Variants in PSG7 observed in about 807,000 individuals in gnomAD.
PSG7 encodes pregnancy-specific beta-1-glycoprotein 7.
A neutral mutation model predicts 45.6 loss-of-function variants in PSG7; 57 were observed. The observed-to-expected ratio is 1.25, with a 90% CI of 1.01 to 1.56. The LOEUF (loss-of-function observed/expected upper bound fraction) is 1.56. Among genes scored for constraint, PSG7 ranks in the 40% most tolerant of loss-of-function variants. The probability of loss-of-function intolerance (pLI) is 0.00; values close to 1 mark genes in which losing one functional copy is unlikely to be tolerated. For synonymous variants in PSG7, 298 were observed against 194.4 expected, an observed-to-expected ratio of 1.53 and a Z score of -4.43; for missense variants, 796 against 508.4, an observed-to-expected ratio of 1.57 and a Z score of -5.44.
chr19:42,936,829 A>C lies in PSG7; in HGVS notation c.64+184T>G, dbSNP rs911255094. ...TACCTGGTTAATTTTTTGTATTTTTAGTACAGACAGGGCTACATTGTGTTG... is the reference window on the plus strand; with the variant it reads ...TACCTGGTTAATTTTTTGTATTTTTCGTACAGACAGGGCTACATTGTGTTG... On this transcript the variant is annotated intron_variant, in intron 1 of 5. Coordinates refer to ENST00000406070, the MANE Select transcript of PSG7 (RefSeq NM_002783.3). 2.6e-5 allele frequency among the ~76,000 whole-genome samples: 4 copies of C among 151,268 alleles called. 1 individual carries two copies. The highest frequency in any genetic ancestry group is 9.7e-5 in the African/African-American group (4 of 41,124).
intron 2 of PSG7, among the ~76,000 whole-genome samples, chr19:42,933,284 TATATATATATATATA>T (rs1331458675): frequency 3.6e-4 from 3 of 8,354 alleles, no homozygotes; most frequent in African/African-American, 9.5e-4. Flanking sequence ...TATATATATA[TATATATATATATATA>T]TATATATATT....
At chr19:42,929,201 T>TG in intron 3 of PSG7, 1 of 921,666 alleles carries the variant, frequency 1.1e-6, no homozygotes, top group Non-Finnish European at 1.6e-6. Flanking sequence ...GACATTCACC[T>TG]GTTTCTTCCA....
Position 42,929,720 on chromosome 19 carries a change from A to G in PSG7, c.431T>C (p.Leu144Pro), listed in dbSNP as rs745772540. The G allele has an allele frequency of 6.5e-5, 105 of 1,611,132 alleles. 3 individuals carry two copies. Among genetic ancestry groups the G allele is most frequent in the Non-Finnish European group, 7.3e-5 (86 of 1,178,620 alleles). The change falls in exon 3 of 6, where the codon CTG (leucine) becomes CCG (proline). Residue 144 changes from leucine (L) to proline (P), a missense_variant and splice_region_variant. Transcript: ENST00000406070. Reference protein sequence around the residue: ...VTGRFTFTLYLETPKPSISSS... With the variant: ...VTGRFTFTLYPETPKPSISSS... ...GGAGATGGAGGGTTTGGGAGTCTCC[A>G]CTGTGCGGAAAACAGAGAGAAGATT... is the stretch of plus-strand genomic sequence containing the variant.
chr19:42,934,605 A>T (rs919355496), intron 2 of PSG7, among the ~76,000 whole-genome samples: 1 of 151,740 alleles, frequency 6.6e-6, no homozygotes, highest in Non-Finnish European at 1.5e-5. Context: ...CACTGTGGAA[A>T]TGTTCACCAA....
At chr19:42,932,336 C>G (rs55833677) in intron 2 of PSG7, among the ~76,000 whole-genome samples, 1 of 151,398 alleles carries the variant, frequency 6.6e-6, no homozygotes, top group Non-Finnish European at 1.5e-5. Context: ...GGGATTTTAA[C>G]GAGTTGTTGA....
In PSG7 at chr19:42,935,778, T is replaced by C. The variant is rs1319548738; in HGVS notation, c.65-9A>G. ...GAAGTTTAAAAGTGATGCTAGGAGGTGGAGAGAGCATCAGTCAATATTGAG... is the reference window on the plus strand; with the variant it reads ...GAAGTTTAAAAGTGATGCTAGGAGGCGGAGAGAGCATCAGTCAATATTGAG... On this transcript the variant is annotated splice_polypyrimidine_tract_variant and intron_variant, in intron 1 of 5. Transcript: ENST00000406070. The C allele has an allele frequency of 6.2e-7, 1 of 1,603,644 alleles. No individual in the cohort carries two copies. The highest frequency in any genetic ancestry group is 8.5e-7 in the Non-Finnish European group (1 of 1,175,638).
intron 3 of PSG7, 137 bp from the exon 4 acceptor site, chr19:42,926,853 C>G (rs1480024564): frequency 1.4e-6 from 2 of 1,441,400 alleles, no homozygotes; most frequent in Non-Finnish European, 1.9e-6. Flanking sequence ...GTGTGTGTCA[C>G]AAGGTAGATG....
rs782541076 is a variant in PSG7, at chr19:42,935,428, C to T, written c.406G>A (p.Gly136Arg). ...CGGTATAAGGTGAAGGTGAAACGTC[C>T]AGTTACTCCTCCAGTCCCATCACCT... The part of the protein sequence containing the change: ...KRGDGTGGVT[G>R]RFTFTLYLET... The change falls in exon 2 of 6, where the codon GGA becomes AGA. Residue 136 changes from glycine to arginine, a missense_variant. By Grantham distance (125) the Gly-to-Arg change is moderately radical. Transcript: ENST00000406070. 2 of 1,611,764 alleles carry T rather than the reference C, an allele frequency of 1.2e-6. No homozygotes were observed. The highest frequency in any genetic ancestry group is 1.3e-5 in the African/African-American group (1 of 74,640).
chr19:42,936,941 T>C, intron 1 of PSG7, 72 bp downstream of exon 1: 1 of 1,587,262 alleles, frequency 6.3e-7, no homozygotes. Context: ...TAGAACCCCA[T>C]CCTCTCTAGG....
Position 42,937,120 on chromosome 19 carries a change from G to A in PSG7, c.-44C>T, listed in dbSNP as rs145389258. 3.7e-3 allele frequency: 5,933 copies of A among 1,599,210 alleles called. 288 individuals are homozygous for A. In the African/African-American group the frequency reaches 0.067, roughly 18 times the overall value. On this transcript the variant is annotated 5_prime_UTR_variant, in exon 1 of 6. Coordinates refer to ENST00000406070, the MANE Select transcript of PSG7 (RefSeq NM_002783.3). ...GTTCTCCTCTGTGGAGATGAGCCTA[G>A]GATCCAGAATCTTCCTGAGCACGGC...
chr19:42,930,095 T>C lies in PSG7; in HGVS notation c.431-375A>G, dbSNP rs1185854651. 3.3e-5 allele frequency among the ~76,000 whole-genome samples: 5 copies of C among 151,682 alleles called. 1 individual carries two copies. In the East Asian group the frequency reaches 9.7e-4, roughly 29 times the overall value. ...AGTGCTGGAATCTTCTTAGTTTCAA[T>C]CTTACTTTGCCCCCTGTGGTATGTT... On this transcript the variant is annotated intron_variant, in intron 2 of 5. Coordinates refer to ENST00000406070, the MANE Select transcript of PSG7 (RefSeq NM_002783.3).
rs188698266 is a variant in PSG7, at chr19:42,924,280, G to A, written c.*528C>T. ...AATTTCAGCTTTCCTACTCTTTATA[G>A]AAACCATCTTCTCTGCAAACACACA... On this transcript the variant is annotated 3_prime_UTR_variant, in exon 6 of 6. Coordinates refer to ENST00000406070, the MANE Select transcript of PSG7 (RefSeq NM_002783.3). 4.1e-5 allele frequency: 12 copies of A among 296,258 alleles called. 1 individual carries two copies. The highest frequency in any genetic ancestry group is 2.2e-4 in the African/African-American group (10 of 46,000). The allele number at this position is 296,258 out of a possible 1,614,324, so 18.4% of individuals were successfully genotyped here. A position where few individuals can be genotyped will look rare whatever the true frequency, so the allele number is the denominator to read the frequency against.
Position 42,924,754 on chromosome 19 carries a change from T to A in PSG7, c.*54A>T. The A allele has an allele frequency of 2.6e-6, 2 of 767,858 alleles. No homozygotes were observed. Among genetic ancestry groups the A allele is most frequent in the Non-Finnish European group, 4.8e-6 (2 of 417,478 alleles). The allele number at this position is 767,858 out of a possible 1,614,324, so 47.6% of individuals were successfully genotyped here. A position where few individuals can be genotyped will look rare whatever the true frequency, so the allele number is the denominator to read the frequency against. Reference sequence around the variant, plus strand: ...TATAGGGCTTCTGGAACAGAGTGGGTCTTGCTCTTTGAGGTTCCATGGGAG... The same window carrying A: ...TATAGGGCTTCTGGAACAGAGTGGGACTTGCTCTTTGAGGTTCCATGGGAG... On this transcript the variant is annotated 3_prime_UTR_variant, in exon 6 of 6. Coordinates refer to ENST00000406070, the MANE Select transcript of PSG7 (RefSeq NM_002783.3).
At position 42,924,338 on chromosome 19, in the gene PSG7, C is replaced by G; in HGVS notation, c.*470G>C. 2 of 393,396 alleles carry G rather than the reference C, an allele frequency of 5.1e-6. No homozygotes were observed. The highest frequency in any genetic ancestry group is 9.0e-6 in the Non-Finnish European group (2 of 222,754). 24.4% of individuals were successfully genotyped at this position (393,396 alleles called of 1,614,324 possible). Reference sequence around the variant, plus strand: ...TCTCTGTGTTCATTTCTATTGGGAGCCCTGTATGCAAGATGGAGAGAGCCA... The same window carrying G: ...TCTCTGTGTTCATTTCTATTGGGAGGCCTGTATGCAAGATGGAGAGAGCCA... On this transcript the variant is annotated 3_prime_UTR_variant, in exon 6 of 6. Coordinates refer to ENST00000406070, the MANE Select transcript of PSG7 (RefSeq NM_002783.3).
Position 42,932,050 on chromosome 19 carries a change from G to A in PSG7, c.431-2330C>T, listed in dbSNP as rs186088615. 7.3e-5 allele frequency among the ~76,000 whole-genome samples: 11 copies of A among 151,140 alleles called. No individual in the cohort carries two copies. In the East Asian group the frequency reaches 2.0e-3, roughly 27 times the overall value. On this transcript the variant is annotated intron_variant, in intron 2 of 5. Coordinates refer to ENST00000406070, the MANE Select transcript of PSG7 (RefSeq NM_002783.3). ...CAGCATTTTTTTTTTCTGAGACAGAGTCTCTCTTTGTCACCCAGGCTGGAG... is the reference window on the plus strand; with the variant it reads ...CAGCATTTTTTTTTTCTGAGACAGAATCTCTCTTTGTCACCCAGGCTGGAG...
chr19:42,930,776 A>G (rs1973002589), intron 2 of PSG7, among the ~76,000 whole-genome samples: 1 of 151,562 alleles, frequency 6.6e-6, no homozygotes, highest in Non-Finnish European at 1.5e-5. Flanking sequence ...TTAGGGGAAT[A>G]GGGCACTGTT....
In PSG7 at chr19:42,933,307, A is replaced by ATTTTTTTTTTTTTTTT. The variant is rs397965905; in HGVS notation, c.430+2096_430+2097insAAAAAAAAAAAAAAAA. On this transcript the variant is annotated intron_variant, in intron 2 of 5. Transcript: ENST00000406070. ...TATATATATATATATATATATATAT[A>ATTTTTTTTTTTTTTTT]TTTTTTTTTTTTTTTGGTGTATGTA... 4.4e-4 allele frequency among the ~76,000 whole-genome samples: 6 copies of ATTTTTTTTTTTTTTTT among 13,506 alleles called. 2 individuals are homozygous for ATTTTTTTTTTTTTTTT. The highest frequency in any genetic ancestry group is 8.7e-4 in the African/African-American group (5 of 5,742). The allele number at this position is 13,506 out of a possible 152,430, so 8.9% of individuals were successfully genotyped here.
At position 42,929,669 on chromosome 19, in the gene PSG7, G is replaced by C. The variant is rs762733927; in HGVS notation, c.482C>G (p.Ala161Gly). 2 of 1,612,434 alleles carry C rather than the reference G, an allele frequency of 1.2e-6. No homozygotes were observed. Among genetic ancestry groups the C allele is most frequent in the South Asian group, 1.1e-5 (1 of 90,838 alleles). Residue 161 changes from alanine to glycine, a missense_variant, in exon 3 of 6, where the codon GCC becomes GGC. Coordinates refer to ENST00000406070, the MANE Select transcript of PSG7 (RefSeq NM_002783.3). ...ISSSNFNPREATEAVILTCDP... is the reference protein window; with the variant it reads ...ISSSNFNPREGTEAVILTCDP... ...ACAGGTTAAAATCACAGCCTCCGTG[G>C]CCTCCCTGGGGTTGAAATTGCTGCT... is the stretch of plus-strand genomic sequence containing the variant.
At chr19:42,930,176 A>T (rs1350887577) in intron 2 of PSG7, among the ~76,000 whole-genome samples, 2 of 151,634 alleles carry the variant, frequency 1.3e-5, no homozygotes, top group African/African-American at 4.8e-5. Flanking sequence ...GGAACTTCCC[A>T]TTGTCCTTAA....
Sources: allele counts gnomAD v4.1 joint callset (sites outside exome capture counted in the v4.1 genomes callset), GRCh38; gene constraint gnomAD v4.1.1; transcripts MANE v1.5; gene names NCBI Gene and HGNC (gene_info 2026-07-23, HGNC 2026-07-21).